Variants in EYS observed in about 807,000 individuals in gnomAD.
The protein encoded by EYS is protein eyes shut homolog.
EYS carries 250 observed loss-of-function variants against 282.1 expected under a neutral mutation model. That is an observed-to-expected ratio of 0.89 (90% CI 0.80 to 0.98). EYS has a LOEUF of 0.98. Among genes scored for constraint, EYS ranks in the 50% least tolerant of loss-of-function variants. The pLI is 0.00. For missense variants in EYS, 4,016 were observed against 3,709.0 expected (o/e 1.08, Z -2.15); for synonymous variants, 1,355 against 1,282.9 (o/e 1.06, Z -1.20).
intron 13 of EYS, among the ~76,000 whole-genome samples, chr6:65,008,785 C>G (rs966670502): frequency 1.3e-4 from 20 of 152,154 alleles, no homozygotes; most frequent in African/African-American, 4.3e-4. Flanking sequence ...TCACAGAGCC[C>G]CAGGTATGCT....
chr6:64,327,460 G>A (rs1010974590), intron 29 of EYS, among the ~76,000 whole-genome samples: 2 of 152,148 alleles, frequency 1.3e-5, no homozygotes, highest in Non-Finnish European at 2.9e-5. Context: ...TTGTGAGATA[G>A]ACCGGCCATC....
chr6:65,293,454 C>T (rs1768581647), intron 12 of EYS, among the ~76,000 whole-genome samples: 2 of 151,696 alleles, frequency 1.3e-5, no homozygotes, highest in South Asian at 2.1e-4. Flanking sequence ...AAGCATATGG[C>T]CTTACCAAAT....
At chr6:65,677,319 A>T (rs9453361) in intron 1 of EYS, among the ~76,000 whole-genome samples, 3,390 of 151,962 alleles carry the variant, frequency 0.022, 140 homozygotes, top group African/African-American at 0.079. Context: ...TGTAGAAAAC[A>T]CAATAGATCT....
intron 29 of EYS, among the ~76,000 whole-genome samples, chr6:64,318,719 T>C (rs1267653314): frequency 1.3e-5 from 2 of 151,912 alleles, no homozygotes; most frequent in African/African-American, 4.8e-5. Flanking sequence ...TTAAAACTTA[T>C]TTTAAAATCT....
intron 35 of EYS, among the ~76,000 whole-genome samples, chr6:63,934,290 C>A (rs916811768): frequency 2.0e-5 from 3 of 152,138 alleles, no homozygotes; most frequent in Admixed American, 6.5e-5. Context: ...GAACACTTTA[C>A]ACTGTTGGTG....
At chr6:64,927,521 T>C (rs1045827690) in intron 15 of EYS, among the ~76,000 whole-genome samples, 2 of 151,956 alleles carry the variant, frequency 1.3e-5, no homozygotes, top group Non-Finnish European at 2.9e-5. Flanking sequence ...TAAATTTATG[T>C]CAAAACTCCC....
At chr6:63,953,855 A>C (rs1324439038) in intron 35 of EYS, among the ~76,000 whole-genome samples, 1 of 152,166 alleles carries the variant, frequency 6.6e-6, no homozygotes, top group South Asian at 2.1e-4. Context: ...TTTCTGTCCA[A>C]ACAACTTGGC....
Position 64,081,884 on chromosome 6 carries a change from T to A in EYS, c.6543A>T (p.Thr2181=). The stretch of plus-strand genomic sequence containing the variant: ...AAAGAATAGTTCCATTTAAACTGTT[T>A]GTTTTTATAGTCAAGTAGATGGTAA... ...RTVTIYLTIK[T]NSLNGTILYS... is the part of the protein sequence containing the mutation. The change falls in exon 32 of 43, where the codon ACA becomes ACT. Residue 2181 remains threonine, a synonymous_variant. Coordinates refer to ENST00000503581, the MANE Select transcript of EYS (RefSeq NM_001142800.2). 1.9e-6 allele frequency: 3 copies of A among 1,540,468 alleles called. No homozygotes were observed. The highest frequency in any genetic ancestry group is 2.6e-6 in the Non-Finnish European group (3 of 1,138,634).
chr6:65,278,179 A>T (rs1377439109), intron 12 of EYS, among the ~76,000 whole-genome samples: 2 of 148,392 alleles, frequency 1.3e-5, no homozygotes, highest in African/African-American at 2.5e-5. Context: ...TGGGAGTGTT[A>T]TGGCATTGGC....
At chr6:65,343,079 C>T (rs1258564893) in intron 10 of EYS, among the ~76,000 whole-genome samples, 1 of 151,072 alleles carries the variant, frequency 6.6e-6, no homozygotes, top group African/African-American at 2.4e-5. Context: ...AAGCTTACTT[C>T]ATATATTTAT....
intron 22 of EYS, among the ~76,000 whole-genome samples, chr6:64,667,642 A>T (rs1046352385): frequency 1.3e-5 from 2 of 151,646 alleles, no homozygotes; most frequent in South Asian, 2.1e-4. Context: ...TCTTTCATTT[A>T]TTCAGAATAT....
chr6:64,641,692 C>T (rs1041508415), intron 22 of EYS, among the ~76,000 whole-genome samples: 1 of 152,180 alleles, frequency 6.6e-6, no homozygotes. Context: ...GGGACTGGTA[C>T]AGGTCCATGG....
intron 1 of EYS, among the ~76,000 whole-genome samples, chr6:65,645,092 C>A (rs773541636): frequency 2.0e-5 from 3 of 151,970 alleles, no homozygotes; most frequent in Non-Finnish European, 4.4e-5. Flanking sequence ...AATATAGGGA[C>A]TTTAGCACTC....
chr6:65,119,322 C>G (rs1775460864), intron 12 of EYS, among the ~76,000 whole-genome samples: 1 of 152,158 alleles, frequency 6.6e-6, no homozygotes, highest in Non-Finnish European at 1.5e-5. Flanking sequence ...GTGTAAGTTA[C>G]TTCCAGTAAA....
intron 2 of EYS, among the ~76,000 whole-genome samples, chr6:65,535,608 A>T (rs1322962091): frequency 1.3e-5 from 2 of 152,156 alleles, no homozygotes; most frequent in African/African-American, 2.4e-5. Flanking sequence ...GAACAGACTA[A>T]CATAGAGCTG....
At chr6:65,330,145 A>G (rs552853369) in intron 11 of EYS, 1 of 981,176 alleles carries the variant, frequency 1.0e-6, no homozygotes, top group South Asian at 4.7e-5. Flanking sequence ...CAGAAGAACC[A>G]TGAGATGTGT....
chr6:63,836,877 A>G (rs1771822062), intron 36 of EYS, among the ~76,000 whole-genome samples: 1 of 152,082 alleles, frequency 6.6e-6, no homozygotes, highest in Non-Finnish European at 1.5e-5. Flanking sequence ...TACACCTAAT[A>G]ACTCTGAAGA....
At chr6:64,935,680 A>G (rs964847217) in intron 15 of EYS, among the ~76,000 whole-genome samples, 16 of 151,744 alleles carry the variant, frequency 1.1e-4, no homozygotes, top group African/African-American at 3.6e-4. Context: ...ATACTAAACA[A>G]TTACACGCTA....
At chr6:65,410,086 T>C (rs756295738) in intron 5 of EYS, among the ~76,000 whole-genome samples, 3 of 152,092 alleles carry the variant, frequency 2.0e-5, no homozygotes, top group Non-Finnish European at 4.4e-5. Context: ...TGTTTAGTGG[T>C]ACTTAATTAG....
Sources: gnomAD v4.1 joint callset for allele counts (sites outside exome capture counted in the v4.1 genomes callset) on GRCh38, gnomAD v4.1.1 for gene constraint, MANE v1.5 for transcripts, NCBI Gene and HGNC (gene_info 2026-07-23, HGNC 2026-07-21) for gene names.